Variants in CADPS observed in about 807,000 individuals in gnomAD.
The protein encoded by CADPS is calcium dependent secretion activator, also known as calcium-dependent secretion activator 1.
In CADPS, 57 loss-of-function variants were observed where a neutral mutation model predicts 167.3. The ratio of observed to expected loss-of-function variants is 0.34; its 90% CI spans 0.28 to 0.42. CADPS has a LOEUF of 0.42. Ranked by LOEUF, CADPS falls within the 20% of genes least tolerant of loss-of-function variation. CADPS has a pLI of 1.00. For synonymous variants in CADPS, 676 were observed against 635.3 expected (o/e 1.06, Z -0.96); for missense variants, 1,414 against 1,738.1 (o/e 0.81, Z 3.32).
chr3:62,465,167 A>G lies in CADPS; in HGVS notation c.3636+200T>C, dbSNP rs2059804241. Among the ~76,000 whole-genome samples, 1 of 152,204 alleles carries G rather than the reference A, an allele frequency of 6.6e-6. No individual in the cohort carries two copies. On this transcript the variant is annotated intron_variant, in intron 26 of 29. Coordinates refer to ENST00000383710, the MANE Select transcript of CADPS (RefSeq NM_003716.4). This position sits in a 1 kb window ranked among gnomAD's most constrained non-coding sequence, Gnocchi z 4.1. ...AAAAATACACACATATTGTACCTTT[A>G]CAAATGAAATAGAAATGATGTTGGA...
rs190684447 is a variant in CADPS, at chr3:62,436,310, A to G, written c.3777+1794T>C. ...GGTTATTGGTTATTCACACACACTC[A>G]CACAATAACACACACACACGTACAC... On this transcript the variant is annotated intron_variant, in intron 28 of 29. Coordinates refer to ENST00000383710, the MANE Select transcript of CADPS (RefSeq NM_003716.4). 1.8e-3 allele frequency among the ~76,000 whole-genome samples: 276 copies of G among 152,316 alleles called. 2 individuals are homozygous for G. Among genetic ancestry groups the G allele is most frequent in the African/African-American group, 6.3e-3 (262 of 41,572 alleles).
chr3:62,654,995 G>A (rs184901302), intron 4 of CADPS, among the ~76,000 whole-genome samples: 7 of 152,140 alleles, frequency 4.6e-5, no homozygotes, highest in African/African-American at 1.7e-4. Flanking sequence ...AGGAGGCCCG[G>A]TGGTTACAGA....
At chr3:62,629,599 AC>A (rs1336245463) in intron 6 of CADPS, among the ~76,000 whole-genome samples, 22 of 152,302 alleles carry the variant, frequency 1.4e-4, no homozygotes, top group African/African-American at 5.0e-4. Flanking sequence ...CCACAAAGTA[AC>A]CACCACCATG....
At position 62,612,579 on chromosome 3, in the gene CADPS, G is replaced by A. The variant is rs530737016; in HGVS notation, c.1326-19831C>T. 5.3e-5 allele frequency among the ~76,000 whole-genome samples: 8 copies of A among 152,302 alleles called. No individual in the cohort carries two copies. The South Asian group carries it at 1.7e-3, about 32-fold the overall frequency. On this transcript the variant is annotated intron_variant, in intron 6 of 29. Coordinates refer to ENST00000383710, the MANE Select transcript of CADPS (RefSeq NM_003716.4). ...ATTTTAATCCAAATAAATTAATTGA[G>A]TAAGGGACTCATTGCTGAAGTCAAT...
intron 3 of CADPS, among the ~76,000 whole-genome samples, chr3:62,735,667 TG>T (rs1554130288): frequency 6.6e-6 from 1 of 152,122 alleles, no homozygotes; most frequent in Non-Finnish European, 1.5e-5. Flanking sequence ...TGTAAAGAAA[TG>T]CGGTCATGTG....
chr3:62,556,731 C>T lies in CADPS; in HGVS notation c.1753+674G>A, dbSNP rs566581175. ...GGGTGGGGGGAGAGGTGCGAGGGGG[C>T]AGGATGTAGAACTTATGCGGTGTAG... is the stretch of plus-strand genomic sequence containing the variant. On this transcript the variant is annotated intron_variant, in intron 10 of 29. Transcript: ENST00000383710. Among the ~76,000 whole-genome samples, 378 of 151,570 alleles carry T rather than the reference C, an allele frequency of 2.5e-3. 2 individuals are homozygous for T. The highest frequency in any genetic ancestry group is 4.5e-3 in the Non-Finnish European group (303 of 67,930).
chr3:62,788,292 A>G (rs1241553831), intron 1 of CADPS, among the ~76,000 whole-genome samples: 1 of 152,148 alleles, frequency 6.6e-6, no homozygotes, highest in Non-Finnish European at 1.5e-5. Flanking sequence ...ACTTATAACC[A>G]TACGTATTGT....
chr3:62,852,067 C>G (rs1450930008), intron 1 of CADPS, among the ~76,000 whole-genome samples: 1 of 147,090 alleles, frequency 6.8e-6, no homozygotes, highest in Admixed American at 6.8e-5. Flanking sequence ...TTGATCGCAT[C>G]GGCTCCTGAG....
chr3:62,429,194 C>T (rs1459802947), intron 28 of CADPS, among the ~76,000 whole-genome samples: 2 of 152,108 alleles, frequency 1.3e-5, no homozygotes, highest in Non-Finnish European at 2.9e-5. Context: ...TGAGTTGGGG[C>T]AAATAAGTTT....
At chr3:62,842,247 C>G (rs182045960) in intron 1 of CADPS, among the ~76,000 whole-genome samples, 1 of 152,196 alleles carries the variant, frequency 6.6e-6, no homozygotes, top group African/African-American at 2.4e-5. Context: ...TCAGAAGAAC[C>G]CAGTGAGGTA....
chr3:62,482,908 T>G (rs183058728), intron 21 of CADPS, among the ~76,000 whole-genome samples: 12 of 152,290 alleles, frequency 7.9e-5, no homozygotes, highest in Admixed American at 2.6e-4. Context: ...ATGGATCAAC[T>G]GACGTGATGG....
Position 62,874,928 on chromosome 3 carries a change from A to G in CADPS, c.102T>C (p.Ser34=), listed in dbSNP as rs185795874. The G allele has an allele frequency of 6.7e-7, 1 of 1,494,892 alleles. No individual in the cohort carries two copies. Among genetic ancestry groups the G allele is most frequent in the Admixed American group, 2.1e-5 (1 of 46,896 alleles). 92.6% of individuals were successfully genotyped at this position (1,494,892 alleles called of 1,614,324 possible). ...LGSAPSGARL[S]PSRTSEGSAG... is the part of the protein sequence containing the mutation. Reference sequence around the variant, plus strand: ...CCGAGCCCTCGCTGGTACGGCTGGGAGACAGGCGCGCGCCGGACGGGGCCG... The same window carrying G: ...CCGAGCCCTCGCTGGTACGGCTGGGGGACAGGCGCGCGCCGGACGGGGCCG... The change falls in exon 1 of 30, where the codon TCT becomes TCC. Residue 34 remains serine, a synonymous_variant. Coordinates refer to ENST00000383710, the MANE Select transcript of CADPS (RefSeq NM_003716.4). The surrounding 1 kb of genome is among the most constrained non-coding windows in gnomAD (Gnocchi z 7.1).
At chr3:62,825,414 T>G (rs2073859941) in intron 1 of CADPS, among the ~76,000 whole-genome samples, 1 of 152,130 alleles carries the variant, frequency 6.6e-6, no homozygotes. Context: ...AGGCAAATGA[T>G]CAGGCCTTAC....
chr3:62,442,621 G>A (rs2056538048), intron 27 of CADPS, among the ~76,000 whole-genome samples: 1 of 152,108 alleles, frequency 6.6e-6, no homozygotes, highest in South Asian at 2.1e-4. Context: ...GGCTAATTTT[G>A]AGCTACCAAT....
chr3:62,707,968 C>T (rs2082638435), intron 3 of CADPS, among the ~76,000 whole-genome samples: 1 of 151,978 alleles, frequency 6.6e-6, no homozygotes, highest in Non-Finnish European at 1.5e-5. Context: ...CTCTATTGTC[C>T]AGACTGGAGT....
chr3:62,531,628 C>T (rs1022297220), intron 13 of CADPS, among the ~76,000 whole-genome samples: 1 of 152,102 alleles, frequency 6.6e-6, no homozygotes, highest in Non-Finnish European at 1.5e-5. Flanking sequence ...CTGGATTCTC[C>T]CACATGTGGA....
At chr3:62,596,022 C>T (rs2058859362) in intron 6 of CADPS, among the ~76,000 whole-genome samples, 1 of 150,972 alleles carries the variant, frequency 6.6e-6, no homozygotes, top group Non-Finnish European at 1.5e-5. Flanking sequence ...TTGCAGACAG[C>T]CTATTGTGGG....
At chr3:62,403,242 G>T in intron 28 of CADPS, 57 bp from the exon 29 acceptor site, 1 of 1,183,322 alleles carries the variant, frequency 8.5e-7, no homozygotes, top group African/African-American at 1.5e-5. Context: ...TTATAGGGCA[G>T]AGAGAGAGCA....
chr3:62,513,492 C>T (rs1424638321), intron 16 of CADPS: 1 of 588,252 alleles, frequency 1.7e-6, no homozygotes, highest in Non-Finnish European at 3.1e-6. Context: ...ACTTCTCACA[C>T]TGGGTTTCAC....
Sources: allele counts gnomAD v4.1 joint callset (sites outside exome capture counted in the v4.1 genomes callset), GRCh38; gene constraint gnomAD v4.1.1; non-coding constraint Gnocchi (gnomAD v3.1); transcripts MANE v1.5; gene names NCBI Gene and HGNC (gene_info 2026-07-23, HGNC 2026-07-21).